Variants in RIN2 observed in about 807,000 individuals in gnomAD.
The protein encoded by RIN2 is RAB5 interacting protein 2.
RIN2 carries 36 observed loss-of-function variants against 78.0 expected under a neutral mutation model. The ratio of observed to expected loss-of-function variants is 0.46; its 90% CI spans 0.35 to 0.61. The LOEUF (loss-of-function observed/expected upper bound fraction) is 0.61, where lower values mean the gene tolerates loss of function less well. Among genes scored for constraint, RIN2 ranks in the 20% least tolerant of loss-of-function variants. The pLI, the probability that RIN2 is intolerant of heterozygous loss-of-function variation, is 0.00. For synonymous variants in RIN2, 466 were observed against 466.8 expected (o/e 1.00, Z 0.02); for missense variants, 1,087 against 1,159.7 (o/e 0.94, Z 0.91).
intron 2 of RIN2, chr20:19,823,959 T>C (rs1352725467): frequency 1.4e-6 from 2 of 1,454,032 alleles, no homozygotes; most frequent in Non-Finnish European, 1.9e-6. Context: ...AGGCAGCTGG[T>C]GTCGGATGAA....
At chr20:19,770,848 G>A (rs2122408159) in intron 1 of RIN2, among the ~76,000 whole-genome samples, 1 of 149,324 alleles carries the variant, frequency 6.7e-6, no homozygotes, top group South Asian at 2.2e-4. Context: ...ACAGGGTGAG[G>A]GCTGAGTCTC....
intron 2 of RIN2, among the ~76,000 whole-genome samples, chr20:19,883,545 G>A (rs1330301516): frequency 6.6e-6 from 1 of 151,968 alleles, no homozygotes; most frequent in Non-Finnish European, 1.5e-5. Context: ...GTCTCCCTAT[G>A]TTGCCTGGGC....
intron 9 of RIN2, among the ~76,000 whole-genome samples, chr20:19,982,687 C>T (rs909286441): frequency 1.3e-5 from 2 of 152,224 alleles, no homozygotes; most frequent in Non-Finnish European, 1.5e-5. Context: ...CCCACTGACA[C>T]TTGCTTACCA....
chr20:19,907,344 T>C (rs943962288), intron 3 of RIN2, among the ~76,000 whole-genome samples: 5 of 152,202 alleles, frequency 3.3e-5, no homozygotes, highest in African/African-American at 1.2e-4. Context: ...AGCCCAATCA[T>C]AGCCCTGGAG....
At chr20:19,950,553 G>A (rs1268766371) in intron 4 of RIN2, among the ~76,000 whole-genome samples, 1 of 151,924 alleles carries the variant, frequency 6.6e-6, no homozygotes, top group African/African-American at 2.4e-5. Flanking sequence ...TTTTTAGGGG[G>A]AGCTCATCAT....
chr20:19,826,564 G>C lies in RIN2; in HGVS notation c.-37+26817G>C, dbSNP rs367847363. On this transcript the variant is annotated intron_variant, in intron 2 of 12. Transcript: ENST00000255006. ...TTAAGGAAAATTCACAATCCTGTCT[G>C]ATAGTTGGCAGCAAGCATTGGGAAG... Among the ~76,000 whole-genome samples, 88 of 152,284 alleles carry C rather than the reference G, an allele frequency of 5.8e-4. 2 individuals are homozygous for C. The highest frequency in any genetic ancestry group is 1.9e-3 in the African/African-American group (77 of 41,564).
chr20:19,987,368 C>T (rs1432034746), intron 9 of RIN2, among the ~76,000 whole-genome samples: 1 of 152,146 alleles, frequency 6.6e-6, no homozygotes, highest in East Asian at 1.9e-4. Flanking sequence ...ATGAATGTAG[C>T]TTTCAGAATG....
intron 2 of RIN2, among the ~76,000 whole-genome samples, chr20:19,876,276 T>G (rs1195246761): frequency 2.6e-5 from 4 of 152,236 alleles, no homozygotes; most frequent in South Asian, 4.1e-4. Context: ...AACTGAAAGA[T>G]CTGACTTCTA....
intron 1 of RIN2, among the ~76,000 whole-genome samples, chr20:19,761,786 T>C (rs867434141): frequency 1.3e-5 from 2 of 152,220 alleles, no homozygotes; most frequent in Non-Finnish European, 2.9e-5. Context: ...ATAGGTTCTT[T>C]GGGTTTGATC....
In RIN2 at chr20:19,841,389, C is replaced by T. The variant is rs138848257; in HGVS notation, c.-37+41642C>T. ...CTATTGAAGTGAATTAAATCTATAA[C>T]CTCACCTGGAGTTGGGAGTAACAAA... On this transcript the variant is annotated intron_variant, in intron 2 of 12. Coordinates refer to ENST00000255006, the MANE Select transcript of RIN2 (RefSeq NM_018993.4). 3.8e-3 allele frequency among the ~76,000 whole-genome samples: 572 copies of T among 152,152 alleles called. 6 individuals carry two copies. The highest frequency in any genetic ancestry group is 0.013 in the African/African-American group (552 of 41,514).
intron 2 of RIN2, among the ~76,000 whole-genome samples, chr20:19,888,686 T>C (rs756789386): frequency 1.3e-5 from 2 of 152,266 alleles, no homozygotes; most frequent in African/African-American, 2.4e-5. Flanking sequence ...GGTGGTTTTA[T>C]ACTTGATCCT....
intron 2 of RIN2, among the ~76,000 whole-genome samples, chr20:19,814,887 C>CT (rs557482608): frequency 7.2e-5 from 11 of 152,118 alleles, no homozygotes; most frequent in Non-Finnish European, 1.6e-4. Flanking sequence ...GCCATCATGC[C>CT]TGGCCCTGGT....
At chr20:19,934,428 G>A in intron 3 of RIN2, 2 of 973,364 alleles carry the variant, frequency 2.1e-6, no homozygotes, top group South Asian at 9.5e-5. Flanking sequence ...TCAGATGCAG[G>A]TGCATGGATA....
intron 2 of RIN2, chr20:19,823,924 G>A (rs1473674560): frequency 8.3e-6 from 13 of 1,574,478 alleles, no homozygotes; most frequent in Admixed American, 1.7e-5. Context: ...GATCTCGTTC[G>A]GGTCGAACTT....
chr20:19,953,241 G>A (rs749885921), intron 4 of RIN2, among the ~76,000 whole-genome samples: 1 of 151,866 alleles, frequency 6.6e-6, no homozygotes, highest in Non-Finnish European at 1.5e-5. Flanking sequence ...CATGTTCAAG[G>A]CTGCCTCAGC....
At chr20:19,912,475 C>CTTTTTTTTTTTTT (rs545323465) in intron 3 of RIN2, among the ~76,000 whole-genome samples, 167 of 110,918 alleles carry the variant, frequency 1.5e-3, no homozygotes, top group East Asian at 3.7e-3. Flanking sequence ...TTTTCTTTTT[C>CTTTTTTTTTTTTT]TTTTTTTTTT....
intron 2 of RIN2, among the ~76,000 whole-genome samples, chr20:19,829,095 T>C (rs1378435663): frequency 6.6e-6 from 1 of 152,186 alleles, no homozygotes; most frequent in African/African-American, 2.4e-5. Context: ...AGTAGGCTCA[T>C]GAATGCTAAG....
intron 1 of RIN2, among the ~76,000 whole-genome samples, chr20:19,791,399 A>G (rs752070161): frequency 6.6e-6 from 1 of 152,210 alleles, no homozygotes; most frequent in Non-Finnish European, 1.5e-5. Flanking sequence ...TGGGAGTTAC[A>G]GTGCTAAGGC....
chr20:19,804,000 T>C (rs953205094), intron 2 of RIN2, among the ~76,000 whole-genome samples: 4 of 152,180 alleles, frequency 2.6e-5, no homozygotes, highest in Admixed American at 2.6e-4. Flanking sequence ...TCTCTGCTTG[T>C]CTATTGTTGG....
Sources: gnomAD v4.1 joint callset for allele counts (sites outside exome capture counted in the v4.1 genomes callset) on GRCh38, gnomAD v4.1.1 for gene constraint, MANE v1.5 for transcripts, NCBI Gene and HGNC (gene_info 2026-07-23, HGNC 2026-07-21) for gene names.